The following APBB2 variants were observed in gnomAD, a reference collection of about 807,000 sequenced individuals.
APBB2 encodes Fe65-like 1.
A neutral mutation model predicts 82.5 loss-of-function variants in APBB2; 38 were observed. That is an observed-to-expected ratio of 0.46 (90% CI 0.36 to 0.60). The LOEUF is 0.60. APBB2 is among the 20% of genes least tolerant of loss of function. The pLI, the probability that APBB2 is intolerant of heterozygous loss-of-function variation, is 0.00. For synonymous variants in APBB2, 341 were observed against 368.2 expected (o/e 0.93, Z 0.85); for missense variants, 772 against 972.3 (o/e 0.79, Z 2.74).
At chr4:40,887,530 G>A (rs1296039990) in intron 12 of APBB2, among the ~76,000 whole-genome samples, 1 of 151,932 alleles carries the variant, frequency 6.6e-6, no homozygotes, top group African/African-American at 2.4e-5. Context: ...ATTTGCTCTT[G>A]TAAATTGCTG....
intron 6 of APBB2, among the ~76,000 whole-genome samples, chr4:41,010,845 T>C (rs1336378917): frequency 1.3e-5 from 2 of 152,212 alleles, no homozygotes; most frequent in African/African-American, 4.8e-5. Flanking sequence ...TAACTATTTA[T>C]TGTGGCAAAT....
intron 6 of APBB2, among the ~76,000 whole-genome samples, chr4:40,984,329 G>T: frequency 6.6e-6 from 1 of 151,268 alleles, no homozygotes; most frequent in South Asian, 2.2e-4. Context: ...GTTACCTTTT[G>T]AGTGAGTTCA....
At chr4:41,080,995 A>G (rs1737411742) in intron 3 of APBB2, among the ~76,000 whole-genome samples, 1 of 152,154 alleles carries the variant, frequency 6.6e-6, no homozygotes, top group Non-Finnish European at 1.5e-5. Context: ...CAGGTGATCC[A>G]CCTGCCTCGG....
At chr4:41,118,656 T>C (rs1224018369) in intron 2 of APBB2, among the ~76,000 whole-genome samples, 1 of 152,340 alleles carries the variant, frequency 6.6e-6, no homozygotes, top group South Asian at 2.1e-4. Context: ...GGAAGGTTTT[T>C]ATATGTGGTA....
chr4:40,823,717 G>A lies in APBB2; in HGVS notation c.1859C>T (p.Ser620Leu), dbSNP rs769918821. ...LNSAIENLMT[S>L]SNKEDWLSVN... ...TGACAGCCAGTCCTCCTTGTTGGAT[G>A]AGGTCATAAGATTTTCTATGGCACT... The change falls in exon 16 of 18, where the codon TCA (serine) becomes TTA (leucine). Residue 620 changes from serine (S) to leucine (L), a missense_variant. Coordinates refer to ENST00000508593, the MANE Select transcript of APBB2 (RefSeq NM_004307.2). The A allele has an allele frequency of 1.2e-6, 2 of 1,613,912 alleles. No individual in the cohort carries two copies. The highest frequency in any genetic ancestry group is 1.6e-4 in the Middle Eastern group (1 of 6,062).
intron 10 of APBB2, among the ~76,000 whole-genome samples, chr4:40,911,740 A>G (rs1322430286): frequency 1.3e-5 from 2 of 151,790 alleles, no homozygotes; most frequent in Non-Finnish European, 2.9e-5. Context: ...TGCAGTCCTC[A>G]TAAGTGGGCC....
intron 2 of APBB2, among the ~76,000 whole-genome samples, chr4:41,121,154 GA>G (rs1359859705): frequency 6.6e-6 from 1 of 152,230 alleles, no homozygotes; most frequent in East Asian, 1.9e-4. Flanking sequence ...AGCCAAAACT[GA>G]ATATAGTTCC....
At chr4:40,946,882 G>C (rs540975535) in intron 6 of APBB2, among the ~76,000 whole-genome samples, 1 of 152,226 alleles carries the variant, frequency 6.6e-6, no homozygotes, top group Non-Finnish European at 1.5e-5. Flanking sequence ...GCCACCGTGA[G>C]AAATAGAGAA....
At chr4:41,192,720 T>A (rs1774814890) in intron 1 of APBB2, among the ~76,000 whole-genome samples, 1 of 152,126 alleles carries the variant, frequency 6.6e-6, no homozygotes, top group Non-Finnish European at 1.5e-5. Flanking sequence ...TAACGAACTG[T>A]ACTATATTTG....
chr4:40,846,016 GTGTGTGTGTGT>G (rs1757497645), intron 12 of APBB2, among the ~76,000 whole-genome samples: 1 of 2,130 alleles, frequency 4.7e-4, no homozygotes, highest in East Asian at 0.056. Context: ...TGTGAGTGGG[GTGTGTGTGTGT>G]GTGTGTGTGT....
intron 12 of APBB2, among the ~76,000 whole-genome samples, chr4:40,863,891 CAA>C (rs60135616): frequency 2.6e-3 from 85 of 32,984 alleles, no homozygotes; most frequent in African/African-American, 8.8e-3. Flanking sequence ...GAGACTGTCT[CAA>C]AAAAAAAAAA....
rs116615478 is a variant in APBB2, at chr4:40,852,842, C to T, written c.1530-22265G>A. Reference sequence around the variant, plus strand: ...TTTCAGCAGAGACAAGGTTTTGCCACGTTGCCCAGGCTGGTCTTAAACTCC... The same window carrying T: ...TTTCAGCAGAGACAAGGTTTTGCCATGTTGCCCAGGCTGGTCTTAAACTCC... On this transcript the variant is annotated intron_variant, in intron 12 of 17. Transcript: ENST00000508593. Among the ~76,000 whole-genome samples, 1,149 of 152,176 alleles carry T rather than the reference C, an allele frequency of 7.6e-3. 14 individuals carry two copies. The highest frequency in any genetic ancestry group is 0.027 in the African/African-American group (1,111 of 41,522).
Position 40,822,011 on chromosome 4 carries a change from G to A in APBB2, c.1972C>T (p.Leu658=). The A allele has an allele frequency of 6.2e-7, 1 of 1,614,200 alleles. No individual in the cohort carries two copies. Among genetic ancestry groups the A allele is most frequent in the Non-Finnish European group, 8.5e-7 (1 of 1,180,050 alleles). The part of the protein sequence containing the change: ...EVLVECRVRF[L]SFMGVGKDVH... ...TCCTTCCCAACACCCATGAAGGACA[G>A]GAATCGCACACGACATTCCACTAAG... The change falls in exon 17 of 18, where the codon CTG becomes TTG. Residue 658 remains leucine (L), a synonymous_variant. Transcript: ENST00000508593.
intron 12 of APBB2, among the ~76,000 whole-genome samples, chr4:40,874,524 G>A (rs1362044409): frequency 3.3e-5 from 5 of 152,062 alleles, no homozygotes; most frequent in Non-Finnish European, 5.9e-5. Context: ...AGGGCGGGGG[G>A]TGGAGATAAG....
chr4:40,905,676 A>AT (rs1303758227), intron 10 of APBB2, among the ~76,000 whole-genome samples: 2 of 152,196 alleles, frequency 1.3e-5, no homozygotes, highest in African/African-American at 4.8e-5. Context: ...GGAACCACTG[A>AT]TGTGCTGGAG....
In APBB2 at chr4:41,065,959, G is replaced by A. The variant is rs747513716; in HGVS notation, c.-148-286C>T. 3.7e-4 allele frequency among the ~76,000 whole-genome samples: 57 copies of A among 152,026 alleles called. 1 individual carries two copies. The highest frequency in any genetic ancestry group is 7.4e-5 in the Non-Finnish European group (5 of 68,000). ...TGGCCTTCTCTGACCCCCATCAAAA[G>A]TCCAGGCAATCTCACCTGCGTTTCC... is the stretch of plus-strand genomic sequence containing the variant. On this transcript the variant is annotated intron_variant, in intron 3 of 17. Transcript: ENST00000508593.
At chr4:41,171,341 C>T (rs1768183128) in intron 1 of APBB2, among the ~76,000 whole-genome samples, 1 of 152,076 alleles carries the variant, frequency 6.6e-6, no homozygotes, top group Non-Finnish European at 1.5e-5. Flanking sequence ...CATTCTGCAG[C>T]CTGGAACACC....
At chr4:41,117,295 AT>A (rs5857777) in intron 2 of APBB2, among the ~76,000 whole-genome samples, 34,013 of 129,274 alleles carry the variant, frequency 0.26, 4,480 homozygotes, top group African/African-American at 0.35. Context: ...TATTATTATT[AT>A]TTTTTTTTTT....
At chr4:41,042,177 G>A (rs1442643920) in intron 4 of APBB2, among the ~76,000 whole-genome samples, 1 of 152,058 alleles carries the variant, frequency 6.6e-6, no homozygotes, top group Admixed American at 6.6e-5. Context: ...TTTTAGTAGA[G>A]ATGGGGTTTC....
Sources: allele counts gnomAD v4.1 joint callset (sites outside exome capture counted in the v4.1 genomes callset), GRCh38; gene constraint gnomAD v4.1.1; transcripts MANE v1.5; gene names NCBI Gene and HGNC (gene_info 2026-07-23, HGNC 2026-07-21).